Variants in PLEKHG5 observed in about 807,000 individuals in gnomAD.
The protein encoded by PLEKHG5 is pleckstrin homology and RhoGEF domain containing G5.
Under a neutral mutation model 103.8 loss-of-function variants are expected in PLEKHG5, and 52 were observed. That is an observed-to-expected ratio of 0.50 (90% CI 0.40 to 0.63). The LOEUF (loss-of-function observed/expected upper bound fraction) is 0.63. Among genes scored for constraint, PLEKHG5 ranks in the 30% least tolerant of loss-of-function variants. The probability of loss-of-function intolerance (pLI) is 0.00; values close to 1 mark genes in which losing one functional copy is unlikely to be tolerated. For missense variants in PLEKHG5, 1,205 were observed against 1,347.6 expected (o/e 0.89, Z 1.66); for synonymous variants, 592 against 575.5 (o/e 1.03, Z -0.41).
chr1:6,470,701 AG>A, intron 14 of PLEKHG5, 33 bp downstream of exon 14: 2 of 1,552,326 alleles, frequency 1.3e-6, no homozygotes, highest in Non-Finnish European at 8.7e-7. Flanking sequence ...AGAGCCGCGC[AG>A]GGGGGACGGC....
At chr1:6,508,754 C>T (rs1289354611) in intron 1 of PLEKHG5, among the ~76,000 whole-genome samples, 1 of 152,228 alleles carries the variant, frequency 6.6e-6, no homozygotes, top group East Asian at 1.9e-4. Flanking sequence ...TGGCCCAATG[C>T]CATACTGAGC....
chr1:6,489,600 G>A (rs896460552), intron 1 of PLEKHG5, among the ~76,000 whole-genome samples: 4 of 152,208 alleles, frequency 2.6e-5, no homozygotes, highest in African/African-American at 9.7e-5. Context: ...CCAGACCCCA[G>A]CGTGTGTCTT....
chr1:6,491,768 T>A (rs1645154205), upstream of PLEKHG5: 1 of 885,046 alleles, frequency 1.1e-6, no homozygotes, highest in East Asian at 1.2e-4. This position sits in a 1 kb window ranked among gnomAD's most constrained non-coding sequence, Gnocchi z 4.1. Context: ...ATTGTTAAGC[T>A]GCAAGGGAAC....
intron 5 of PLEKHG5, 106 bp from the exon 6 acceptor site, chr1:6,474,693 C>T: frequency 8.5e-7 from 1 of 1,170,692 alleles, no homozygotes; most frequent in South Asian, 1.3e-5. Context: ...CCAGCTGCCC[C>T]CACCTTCCCA....
intron 1 of PLEKHG5, among the ~76,000 whole-genome samples, chr1:6,516,621 C>T (rs1292649431): frequency 6.6e-6 from 1 of 151,978 alleles, no homozygotes; most frequent in Non-Finnish European, 1.5e-5. Context: ...CACACCACTG[C>T]ACTCCAGCCT....
chr1:6,497,719 C>T (rs554365257), upstream of PLEKHG5, among the ~76,000 whole-genome samples: 24 of 152,256 alleles, frequency 1.6e-4, no homozygotes, highest in South Asian at 5.0e-3. The surrounding 1 kb of genome is among the most constrained non-coding windows in gnomAD (Gnocchi z 6.1). Context: ...CACCCCAGCC[C>T]GGAATCGCTG....
At chr1:6,515,722 A>C (rs1276727126) in intron 1 of PLEKHG5, among the ~76,000 whole-genome samples, 2 of 152,150 alleles carry the variant, frequency 1.3e-5, no homozygotes, top group African/African-American at 2.4e-5. Context: ...TGGGAAATCT[A>C]ACCAGAAAGA....
chr1:6,495,253 C>T (rs1468251808), upstream of PLEKHG5, among the ~76,000 whole-genome samples: 4 of 152,236 alleles, frequency 2.6e-5, no homozygotes, highest in African/African-American at 4.8e-5. Flanking sequence ...AGGCACCATC[C>T]GTGCCAGCAG....
chr1:6,507,611 C>T (rs761018694), intron 1 of PLEKHG5, among the ~76,000 whole-genome samples: 10 of 152,124 alleles, frequency 6.6e-5, no homozygotes, highest in East Asian at 1.9e-4. Flanking sequence ...GCAGAAGGCT[C>T]TGTTTCCGGG....
At chr1:6,502,036 C>A (rs1220070728) in intron 1 of PLEKHG5, among the ~76,000 whole-genome samples, 1 of 152,264 alleles carries the variant, frequency 6.6e-6, no homozygotes, top group African/African-American at 2.4e-5. Flanking sequence ...TGTCCCCTCC[C>A]GCGTGAGCCC....
intron 12 of PLEKHG5, 60 bp downstream of exon 12, chr1:6,471,428 G>T (rs944406400): frequency 3.2e-6 from 5 of 1,555,750 alleles, no homozygotes; most frequent in Middle Eastern, 2.2e-4. Context: ...GGGCCGTGGA[G>T]GCTTTTCGGC....
At chr1:6,502,742 G>T (rs966417728) in intron 1 of PLEKHG5, among the ~76,000 whole-genome samples, 1 of 152,222 alleles carries the variant, frequency 6.6e-6, no homozygotes, top group Non-Finnish European at 1.5e-5. Context: ...CACAGGCAGG[G>T]CTGGCATCGG....
Position 6,490,795 on chromosome 1 carries a change from C to G in PLEKHG5, c.-88+842G>C, listed in dbSNP as rs1038612939. ...GGGAGGGGGTGGGGGGCGTCACTGTCCCCGAGGGGCCAGCCCTTTGCAGAT... is the reference window on the plus strand; with the variant it reads ...GGGAGGGGGTGGGGGGCGTCACTGTGCCCGAGGGGCCAGCCCTTTGCAGAT... On this transcript the variant is annotated intron_variant, in intron 1 of 20. Transcript: ENST00000377728. The surrounding 1 kb of genome is among the most constrained non-coding windows in gnomAD (Gnocchi z 8.0). Among the ~76,000 whole-genome samples the G allele has an allele frequency of 6.6e-6, 1 of 152,152 alleles. No homozygotes were observed. Among genetic ancestry groups the G allele is most frequent in the Non-Finnish European group, 1.5e-5 (1 of 68,018 alleles).
Position 6,473,886 on chromosome 1 carries a change from A to G in PLEKHG5, c.591+127T>C, listed in dbSNP as rs1016854722. The G allele has an allele frequency of 4.2e-6, 4 of 951,116 alleles. No homozygotes were observed. In the African/African-American group the frequency reaches 6.6e-5, roughly 16 times the overall value. 58.9% of individuals were successfully genotyped at this position (951,116 alleles called of 1,614,324 possible). A position where few individuals can be genotyped will look rare whatever the true frequency, so the allele number is the denominator to read the frequency against. ...ACTCTCCCAGCCAACCCCATTTTCC[A>G]GAAGGGACAATTAAAACCCCAAGAT... On this transcript the variant is annotated intron_variant, in intron 7 of 20. Transcript: ENST00000377728.
At position 6,468,020 on chromosome 1, in the gene PLEKHG5, G is replaced by C; in HGVS notation, c.2816C>G (p.Pro939Arg). ...CCCGGCCAGGCAGCCGACTAGCCCA[G>C]GACCGCTGCCAGGGCTAGGGGCCCC... ...CRGAPSPGSGPGLVGCLAGEP... is the reference protein window; with the variant it reads ...CRGAPSPGSGRGLVGCLAGEP... Residue 939 changes from proline to arginine, a missense_variant, in exon 20 of 21, where the codon CCT (proline) becomes CGT (arginine). Coordinates refer to ENST00000377728, the MANE Select transcript of PLEKHG5 (RefSeq NM_020631.6). The C allele has an allele frequency of 5.1e-6, 8 of 1,553,618 alleles. No individual in the cohort carries two copies. Among genetic ancestry groups the C allele is most frequent in the Non-Finnish European group, 6.9e-6 (8 of 1,151,446 alleles).
Position 6,490,112 on chromosome 1 carries a change from G to C in PLEKHG5, c.-88+1525C>G, listed in dbSNP as rs1468003322. 6.6e-6 allele frequency among the ~76,000 whole-genome samples: 1 copy of C among 152,106 alleles called. No homozygotes were observed. The highest frequency in any genetic ancestry group is 1.5e-5 in the Non-Finnish European group (1 of 67,992). ...CGGGACTGGCCAGATGGGGAGGATC[G>C]GCTGAGCCTCCCAGCCACGCCGCGC... is the stretch of plus-strand genomic sequence containing the variant. On this transcript the variant is annotated intron_variant, in intron 1 of 20. Transcript: ENST00000377728. This position sits in a 1 kb window ranked among gnomAD's most constrained non-coding sequence, Gnocchi z 8.0.
At chr1:6,502,922 C>A (rs1396414522) in intron 1 of PLEKHG5, among the ~76,000 whole-genome samples, 1 of 152,230 alleles carries the variant, frequency 6.6e-6, no homozygotes, top group African/African-American at 2.4e-5. Context: ...TCTCTGCCGG[C>A]CCCGGGGAGA....
chr1:6,508,687 G>GCTGT (rs1638397557), intron 1 of PLEKHG5, among the ~76,000 whole-genome samples: 1 of 152,264 alleles, frequency 6.6e-6, no homozygotes, highest in South Asian at 2.1e-4. Context: ...TTCAGGGACA[G>GCTGT]CTGTCTGTCT....
intron 20 of PLEKHG5, 39 bp downstream of exon 20, chr1:6,467,786 C>T (rs1181160883): frequency 6.2e-7 from 1 of 1,608,846 alleles, no homozygotes; most frequent in Non-Finnish European, 8.5e-7. Flanking sequence ...CATGCCAGTG[C>T]CCTGAGCCAC....
Sources: gnomAD v4.1 joint callset for allele counts (sites outside exome capture counted in the v4.1 genomes callset) on GRCh38, gnomAD v4.1.1 for gene constraint, Gnocchi (gnomAD v3.1) non-coding constraint, MANE v1.5 for transcripts, NCBI Gene and HGNC (gene_info 2026-07-23, HGNC 2026-07-21) for gene names.